EPHA3: variants seen among roughly 807,000 people sequenced by gnomAD.
EPHA3 encodes the protein EPH receptor A3, also known as ephrin type-A receptor 3.
A neutral mutation model predicts 107.1 loss-of-function variants in EPHA3; 42 were observed. The observed-to-expected ratio is 0.39, with a 90% CI of 0.31 to 0.51. EPHA3 has a LOEUF of 0.51. EPHA3 is among the 20% of genes least tolerant of loss of function. EPHA3 has a pLI of 0.78. For missense variants in EPHA3, 1,183 were observed against 1,211.2 expected (o/e 0.98, Z 0.35); for synonymous variants, 461 against 424.8 (o/e 1.09, Z -1.05).
At chr3:89,332,216 C>T (rs1258752754) in intron 3 of EPHA3, among the ~76,000 whole-genome samples, 2 of 152,146 alleles carry the variant, frequency 1.3e-5, no homozygotes, top group Non-Finnish European at 2.9e-5. Context: ...AAGTGGACAG[C>T]CAAAAAGCTG....
intron 3 of EPHA3, among the ~76,000 whole-genome samples, chr3:89,308,141 T>C (rs1462030255): frequency 6.6e-6 from 1 of 152,140 alleles, no homozygotes; most frequent in Non-Finnish European, 1.5e-5. Context: ...GGCTTTGTGA[T>C]AAGTTGTGTG....
intron 2 of EPHA3, among the ~76,000 whole-genome samples, chr3:89,182,381 G>A (rs1472201289): frequency 1.3e-5 from 2 of 151,658 alleles, no homozygotes; most frequent in African/African-American, 4.9e-5. Flanking sequence ...CCTAGTCACT[G>A]AAGTTTAAAT....
intron 5 of EPHA3, among the ~76,000 whole-genome samples, chr3:89,369,291 C>T (rs1708245955): frequency 6.6e-6 from 1 of 150,616 alleles, no homozygotes; most frequent in Admixed American, 6.7e-5. Flanking sequence ...GGTACTGGTA[C>T]CAAAACAGAG....
chr3:89,332,627 T>A (rs544854568), intron 3 of EPHA3, among the ~76,000 whole-genome samples: 1 of 152,184 alleles, frequency 6.6e-6, no homozygotes, highest in African/African-American at 2.4e-5. Context: ...TCCTGTAACA[T>A]TGTGGAGTGC....
rs7650184 is a variant in EPHA3 at position 89,480,907 on chromosome 3, C to A, written c.*1405C>A. The A allele has an allele frequency of 0.42, 97,558 of 231,480 alleles. 22,819 individuals are homozygous for A. Among genetic ancestry groups the A allele is most frequent in the African/African-American group, 0.64 (28,823 of 45,222 alleles). 14.3% of individuals were successfully genotyped at this position (231,480 alleles called of 1,614,324 possible). A position where few individuals can be genotyped will look rare whatever the true frequency, so the allele number is the denominator to read the frequency against. On this transcript the variant is annotated 3_prime_UTR_variant, in exon 17 of 17. Transcript: ENST00000336596. Reference sequence around the variant, plus strand: ...TTCAGAATAGTTGGTCATCTAGCAACCGCCTCAAAATGTGTAAGCAGGAGA... The same window carrying A: ...TTCAGAATAGTTGGTCATCTAGCAAACGCCTCAAAATGTGTAAGCAGGAGA...
intron 7 of EPHA3, among the ~76,000 whole-genome samples, chr3:89,403,815 C>G (rs141721459): frequency 1.3e-5 from 2 of 152,270 alleles, no homozygotes; most frequent in Admixed American, 1.3e-4. Context: ...AATTGGGGAA[C>G]ATCATGTGAT....
rs544946513 is a variant in EPHA3 at position 89,164,396 on chromosome 3, G to GC, written c.153+37129dup. Reference sequence around the variant, plus strand: ...GGTTGAACAAGCTTGGCCTAGACACGCCCCCCTAAAAAATCCAACAAACCT... The same window carrying GC: ...GGTTGAACAAGCTTGGCCTAGACACGCCCCCCCTAAAAAATCCAACAAACCT... On this transcript the variant is annotated intron_variant, in intron 2 of 16. Transcript: ENST00000336596. 2.7e-3 allele frequency among the ~76,000 whole-genome samples: 410 copies of GC among 152,266 alleles called. 2 individuals carry two copies. The highest frequency in any genetic ancestry group is 9.2e-3 in the African/African-American group (382 of 41,550).
chr3:89,450,428 A>C, intron 15 of EPHA3, 58 bp downstream of exon 15: 9 of 1,541,718 alleles, frequency 5.8e-6, no homozygotes, highest in Non-Finnish European at 7.9e-6. Context: ...TGCTATCTCC[A>C]AGATGTTAAT....
chr3:89,395,358 A>G (rs1391800395), intron 5 of EPHA3, among the ~76,000 whole-genome samples: 1 of 152,192 alleles, frequency 6.6e-6, no homozygotes, highest in African/African-American at 2.4e-5. Context: ...ATTATTACCT[A>G]TGGATACCAT....
intron 1 of EPHA3, among the ~76,000 whole-genome samples, chr3:89,113,188 TC>T (rs1707155784): frequency 1.3e-5 from 2 of 152,208 alleles, no homozygotes; most frequent in African/African-American, 4.8e-5. Flanking sequence ...GAAATTTACT[TC>T]TCAGAAATGT....
Position 89,179,545 on chromosome 3 carries a change from C to T in EPHA3, c.154-30315C>T, listed in dbSNP as rs113271836. 6.2e-3 allele frequency among the ~76,000 whole-genome samples: 934 copies of T among 151,816 alleles called. 10 individuals carry two copies. Among genetic ancestry groups the T allele is most frequent in the African/African-American group, 0.022 (892 of 41,436 alleles). On this transcript the variant is annotated intron_variant, in intron 2 of 16. Transcript: ENST00000336596. Reference sequence around the variant, plus strand: ...AGTCTGAATCTTCTCTCATCTTTTTCGCTTAGATTGAGGTCACTGTTGGGG... The same window carrying T: ...AGTCTGAATCTTCTCTCATCTTTTTTGCTTAGATTGAGGTCACTGTTGGGG...
At position 89,107,632 on chromosome 3, in the gene EPHA3, T is replaced by G. The variant is rs1707000890; in HGVS notation, c.-117T>G. ...TCCTCCTTATCTCCAGTGTCAAACTTGACATCAGCCTGCGAGCGGAGCATG... is the reference window on the plus strand; with the variant it reads ...TCCTCCTTATCTCCAGTGTCAAACTGGACATCAGCCTGCGAGCGGAGCATG... On this transcript the variant is annotated 5_prime_UTR_variant, in exon 1 of 17. Coordinates refer to ENST00000336596, the MANE Select transcript of EPHA3 (RefSeq NM_005233.6). The G allele has an allele frequency of 2.6e-5, 25 of 973,720 alleles. No individual in the cohort carries two copies. In the South Asian group the frequency reaches 3.5e-4, roughly 14 times the overall value. The allele number at this position is 973,720 out of a possible 1,614,324, so 60.3% of individuals were successfully genotyped here.
At chr3:89,313,070 ATAT>A (rs1344873295) in intron 3 of EPHA3, among the ~76,000 whole-genome samples, 2 of 151,850 alleles carry the variant, frequency 1.3e-5, no homozygotes, top group African/African-American at 4.8e-5. Context: ...CTTTATAATA[ATAT>A]TATTTGTATT....
chr3:89,254,415 G>T (rs1705231951), intron 3 of EPHA3, among the ~76,000 whole-genome samples: 1 of 152,068 alleles, frequency 6.6e-6, no homozygotes, highest in Admixed American at 6.5e-5. Context: ...GTTTATAATT[G>T]CATGTCTAAT....
At chr3:89,475,377 A>T (rs1246106208) in intron 16 of EPHA3, among the ~76,000 whole-genome samples, 1 of 152,176 alleles carries the variant, frequency 6.6e-6, no homozygotes, top group African/African-American at 2.4e-5. Context: ...GAATAGAAAA[A>T]GATACCTTTA....
chr3:89,191,131 T>C (rs1026524306), intron 2 of EPHA3, among the ~76,000 whole-genome samples: 1 of 152,072 alleles, frequency 6.6e-6, no homozygotes, highest in African/African-American at 2.4e-5. Flanking sequence ...CTGCCAGATA[T>C]TATGCTAGCT....
intron 5 of EPHA3, among the ~76,000 whole-genome samples, chr3:89,358,049 T>C (rs1458460289): frequency 6.6e-6 from 1 of 151,284 alleles, no homozygotes; most frequent in African/African-American, 2.4e-5. Context: ...TGCGTGTGTA[T>C]ATATGTACAT....
intron 3 of EPHA3, among the ~76,000 whole-genome samples, chr3:89,211,781 T>C (rs528792444): frequency 0.012 from 1,629 of 136,044 alleles, 37 homozygotes; most frequent in African/African-American, 0.022. Context: ...TTCTTCTTCT[T>C]CTTCTTCTTC....
intron 1 of EPHA3, among the ~76,000 whole-genome samples, chr3:89,108,185 G>C (rs1707018282): frequency 6.6e-6 from 1 of 152,120 alleles, no homozygotes; most frequent in South Asian, 2.1e-4. Context: ...TTCTAATTAT[G>C]ACCATGTGGT....
Sources: gnomAD v4.1 joint callset for allele counts (sites outside exome capture counted in the v4.1 genomes callset) on GRCh38, gnomAD v4.1.1 for gene constraint, MANE v1.5 for transcripts, NCBI Gene and HGNC (gene_info 2026-07-23, HGNC 2026-07-21) for gene names.